Variants in GRIP1 observed in about 807,000 individuals in gnomAD.
GRIP1 encodes glutamate receptor interacting protein 1.
Under a neutral mutation model 129.9 loss-of-function variants are expected in GRIP1, and 45 were observed. That is an observed-to-expected ratio of 0.35 (90% CI 0.27 to 0.44). The LOEUF (loss-of-function observed/expected upper bound fraction) is 0.44. Ranked by LOEUF, GRIP1 falls within the 20% of genes least tolerant of loss-of-function variation. The probability of loss-of-function intolerance (pLI) is 1.00; values close to 1 mark genes in which losing one functional copy is unlikely to be tolerated. For synonymous variants in GRIP1, 530 were observed against 520.8 expected (o/e 1.02, Z -0.24); for missense variants, 1,196 against 1,396.8 (o/e 0.86, Z 2.29).
intron 1 of GRIP1, among the ~76,000 whole-genome samples, chr12:66,967,420 T>C (rs1411802812): frequency 3.3e-5 from 5 of 152,314 alleles, no homozygotes; most frequent in Non-Finnish European, 4.4e-5. Context: ...ACTAAAATTA[T>C]TTTACGAAAA....
chr12:66,942,909 G>A (rs1362771951), intron 1 of GRIP1, among the ~76,000 whole-genome samples: 1 of 152,182 alleles, frequency 6.6e-6, no homozygotes, highest in Non-Finnish European at 1.5e-5. Context: ...TGTGAGGATA[G>A]GAGAAGATGG....
intron 1 of GRIP1, among the ~76,000 whole-genome samples, chr12:66,812,511 A>T (rs1221369249): frequency 6.6e-6 from 1 of 152,214 alleles, no homozygotes; most frequent in Non-Finnish European, 1.5e-5. Flanking sequence ...ATTGTTCTTC[A>T]CACACATAAT....
chr12:66,812,936 G>A (rs1298217833), intron 1 of GRIP1, among the ~76,000 whole-genome samples: 2 of 152,032 alleles, frequency 1.3e-5, no homozygotes, highest in Non-Finnish European at 2.9e-5. Context: ...AATGCTTCCT[G>A]TGTGTCTCTA....
chr12:66,719,810 G>C (rs2036004262), intron 1 of GRIP1, among the ~76,000 whole-genome samples: 1 of 152,196 alleles, frequency 6.6e-6, no homozygotes. Context: ...TCGGGCTTAT[G>C]TACAATTTAT....
intron 1 of GRIP1, among the ~76,000 whole-genome samples, chr12:66,881,161 C>G (rs2040471819): frequency 6.7e-6 from 1 of 150,124 alleles, no homozygotes; most frequent in African/African-American, 2.4e-5. Context: ...AGAAAAAGGC[C>G]CAGTGGACAG....
chr12:66,394,369 G>A lies in GRIP1; in HGVS notation c.1985-17C>T, dbSNP rs1328750443. ...CTTGCTCATCTGTAATAAATGCCAA[G>A]GAATCATAATTGATTTCTTTGGAAA... On this transcript the variant is annotated splice_polypyrimidine_tract_variant and intron_variant, in intron 16 of 24. Coordinates refer to ENST00000359742, the MANE Select transcript of GRIP1 (RefSeq NM_001366722.1). 6.2e-7 allele frequency: 1 copy of A among 1,612,056 alleles called. No individual in the cohort carries two copies. The highest frequency in any genetic ancestry group is 1.3e-5 in the African/African-American group (1 of 74,852).
intron 2 of GRIP1, among the ~76,000 whole-genome samples, chr12:66,570,546 T>TA (rs974141646): frequency 1.3e-5 from 2 of 152,070 alleles, no homozygotes; most frequent in Admixed American, 6.5e-5. Context: ...TTTCTACTGC[T>TA]AAAAAAACAA....
chr12:66,790,723 C>T (rs1203690404), intron 1 of GRIP1, among the ~76,000 whole-genome samples: 1 of 151,914 alleles, frequency 6.6e-6, no homozygotes, highest in South Asian at 2.1e-4. Context: ...GTATTGAGTT[C>T]AGTTTAGGAA....
intron 2 of GRIP1, chr12:66,569,017 G>C (rs1468877257): frequency 2.3e-6 from 1 of 442,736 alleles, no homozygotes; most frequent in Non-Finnish European, 4.5e-6. Context: ...GTGCTTCTCA[G>C]CATTATTCTG....
chr12:66,912,806 C>T (rs1049225526), intron 1 of GRIP1, among the ~76,000 whole-genome samples: 1 of 152,020 alleles, frequency 6.6e-6, no homozygotes, highest in African/African-American at 2.4e-5. Flanking sequence ...CTCTCATGAA[C>T]CATGATCATT....
At chr12:66,890,005 A>G (rs965116061) in intron 1 of GRIP1, among the ~76,000 whole-genome samples, 9 of 151,910 alleles carry the variant, frequency 5.9e-5, no homozygotes, top group Admixed American at 5.9e-4. Context: ...TCACGGCTCA[A>G]TGTAGCCTTG....
intron 1 of GRIP1, among the ~76,000 whole-genome samples, chr12:66,618,163 G>A (rs920911734): frequency 6.6e-6 from 1 of 152,164 alleles, no homozygotes. Context: ...TGGCTAAATA[G>A]AGTAGTACAA....
intron 1 of GRIP1, among the ~76,000 whole-genome samples, chr12:66,653,735 G>A (rs2032962714): frequency 6.6e-6 from 1 of 152,196 alleles, no homozygotes; most frequent in South Asian, 2.1e-4. Context: ...ACCTCCAATA[G>A]ACTGCTGCTT....
chr12:66,832,381 C>G (rs2039534805), intron 1 of GRIP1, among the ~76,000 whole-genome samples: 1 of 152,114 alleles, frequency 6.6e-6, no homozygotes, highest in African/African-American at 2.4e-5. Context: ...CTATAGAGAC[C>G]TGGGTTATTT....
chr12:66,780,188 T>C (rs2038111275), intron 1 of GRIP1, among the ~76,000 whole-genome samples: 1 of 152,118 alleles, frequency 6.6e-6, no homozygotes, highest in Non-Finnish European at 1.5e-5. Flanking sequence ...AAACTCCAAA[T>C]TATAAGCAAG....
At chr12:66,527,836 G>C (rs1454126772) in intron 5 of GRIP1, among the ~76,000 whole-genome samples, 2 of 152,072 alleles carry the variant, frequency 1.3e-5, no homozygotes, top group Non-Finnish European at 2.9e-5. Flanking sequence ...GGAGGAGGAG[G>C]AGGATGAGGA....
intron 15 of GRIP1, among the ~76,000 whole-genome samples, chr12:66,406,952 T>G (rs1272365903): frequency 6.6e-6 from 1 of 152,206 alleles, no homozygotes; most frequent in Non-Finnish European, 1.5e-5. Flanking sequence ...AGCTTCTTAT[T>G]TGGAAAGTGG....
intron 1 of GRIP1, among the ~76,000 whole-genome samples, chr12:66,643,765 T>C (rs2032130067): frequency 6.6e-6 from 1 of 152,136 alleles, no homozygotes; most frequent in African/African-American, 2.4e-5. Context: ...GTTCTCACTA[T>C]GTTGCCCAGG....
chr12:66,922,042 C>A (rs1285963585), intron 1 of GRIP1, among the ~76,000 whole-genome samples: 1 of 152,128 alleles, frequency 6.6e-6, no homozygotes. Context: ...ATGCTTGTTT[C>A]AAAAGTGTTT....
Sources: gnomAD v4.1 joint callset for allele counts (sites outside exome capture counted in the v4.1 genomes callset) on GRCh38, gnomAD v4.1.1 for gene constraint, MANE v1.5 for transcripts, NCBI Gene and HGNC (gene_info 2026-07-23, HGNC 2026-07-21) for gene names.